Variants in NOL7 observed in about 807,000 individuals in gnomAD.
NOL7 encodes the protein nucleolar protein 7, also known as U3 small nucleolar RNA-associated protein NOL7.
A neutral mutation model predicts 38.4 loss-of-function variants in NOL7; 36 were observed. The ratio of observed to expected loss-of-function variants is 0.94; its 90% CI spans 0.72 to 1.24. The LOEUF (loss-of-function observed/expected upper bound fraction) is 1.24. Among genes scored for constraint, NOL7 ranks in the 50% most tolerant of loss-of-function variants. NOL7 has a pLI of 0.00. For missense variants in NOL7, 350 were observed against 315.1 expected (o/e 1.11, Z -0.84); for synonymous variants, 142 against 126.5 (o/e 1.12, Z -0.82).
At chr6:13,625,570 A>G (rs1584905943), downstream of NOL7, 8 of 837,728 alleles carry the variant, frequency 9.5e-6, no homozygotes, top group South Asian at 6.0e-5. Flanking sequence ...TGATTTTACC[A>G]AAGTGTAAAT....
rs914452530 is a variant in NOL7, at chr6:13,621,600, A to AAATT, written c.*776_*779dup. 6.6e-6 allele frequency: 1 copy of AAATT among 152,602 alleles called. No individual in the cohort carries two copies. Among genetic ancestry groups the AAATT allele is most frequent in the African/African-American group, 2.4e-5 (1 of 41,450 alleles). 9.5% of individuals were successfully genotyped at this position (152,602 alleles called of 1,614,324 possible). On this transcript the variant is annotated 3_prime_UTR_variant, in exon 8 of 8. Transcript: ENST00000451315. ...TAAAAATGGAAGGTGTACAAAGATT[A>AAATT]AATTAAGACACGGTAAATTGACTAA...
At chr6:13,622,338 AGT>A (rs764761717), downstream of NOL7, 95 of 1,523,264 alleles carry the variant, frequency 6.2e-5, no homozygotes, top group Non-Finnish European at 7.8e-5. Context: ...CCACAATATA[AGT>A]GTGAGCTCTT....
intron 7 of NOL7, 85 bp downstream of exon 7, chr6:13,620,570 T>G: frequency 7.4e-7 from 1 of 1,352,406 alleles, no homozygotes. Context: ...ATAATTATAC[T>G]TTTCCCCCTT....
downstream of NOL7, among the ~76,000 whole-genome samples, chr6:13,622,984 CT>C (rs1182987810): frequency 6.6e-6 from 1 of 152,076 alleles, no homozygotes. Context: ...GTTATTTGGG[CT>C]GGTGGGGAGT....
At chr6:13,616,926 C>G (rs1032104753) in intron 3 of NOL7, among the ~76,000 whole-genome samples, 7 of 152,200 alleles carry the variant, frequency 4.6e-5, no homozygotes, top group African/African-American at 1.7e-4. Context: ...TTCCTGTTCC[C>G]CACTTCATTT....
At chr6:13,622,730 T>TGG (rs1764486106), downstream of NOL7, among the ~76,000 whole-genome samples, 1 of 152,242 alleles carries the variant, frequency 6.6e-6, no homozygotes, top group African/African-American at 2.4e-5. Context: ...ATCAGACTTT[T>TGG]AAAGTATCAG....
At chr6:13,632,319 A>G (rs775802081) in intron 8 of NOL7, 3 of 1,565,990 alleles carry the variant, frequency 1.9e-6, no homozygotes, top group Non-Finnish European at 2.6e-6. Context: ...ACAAAACTAC[A>G]TTTTAGTTCC....
downstream of NOL7, chr6:13,625,815 G>T: frequency 7.8e-7 from 1 of 1,282,704 alleles, no homozygotes; most frequent in Non-Finnish European, 1.1e-6. Flanking sequence ...CAACTATTAT[G>T]CTCACAAATG....
intron 5 of NOL7, 89 bp from the exon 6 acceptor site, chr6:13,620,119 G>A: frequency 1.4e-6 from 2 of 1,398,526 alleles, no homozygotes; most frequent in Non-Finnish European, 1.9e-6. Context: ...GCGCAGCCTG[G>A]GTGACAGAGC....
chr6:13,620,412 T>C lies in NOL7; in HGVS notation c.627T>C (p.Asn209=). 6.2e-7 allele frequency: 1 copy of C among 1,614,104 alleles called. No individual in the cohort carries two copies. The highest frequency in any genetic ancestry group is 8.5e-7 in the Non-Finnish European group (1 of 1,179,988). Residue 209 remains asparagine, a synonymous_variant, in exon 7 of 8, where the codon AAT becomes AAC. Coordinates refer to ENST00000451315, the MANE Select transcript of NOL7 (RefSeq NM_016167.5). ...ATAAATACCTTTCTTTTCTAGTAAA[T>C]AAGTTCCTGTCTCTTGCCAACAAGA... ...YGPGTNRTTV[N]KFLSLANKRL...
chr6:13,619,603 A>C (rs563661585), intron 5 of NOL7, among the ~76,000 whole-genome samples: 4 of 152,242 alleles, frequency 2.6e-5, no homozygotes, highest in Non-Finnish European at 5.9e-5. Flanking sequence ...CTTTTACTAC[A>C]TGTATCCGAA....
chr6:13,624,608 A>C (rs946412228), downstream of NOL7, among the ~76,000 whole-genome samples: 44 of 152,206 alleles, frequency 2.9e-4, no homozygotes, highest in African/African-American at 9.9e-4. Context: ...AATGCACAAT[A>C]TGTGCAGTTA....
chr6:13,625,643 C>G (rs1764580828), downstream of NOL7: 1 of 1,572,780 alleles, frequency 6.4e-7, no homozygotes, highest in Non-Finnish European at 8.7e-7. Flanking sequence ...CCTTATTTGG[C>G]TTTACTTACC....
At chr6:13,622,878 A>G (rs1764493509), downstream of NOL7, among the ~76,000 whole-genome samples, 1 of 152,246 alleles carries the variant, frequency 6.6e-6, no homozygotes, top group African/African-American at 2.4e-5. Flanking sequence ...AAAAGGCACC[A>G]GGTTTTCATT....
downstream of NOL7, chr6:13,622,489 G>A (rs112516735): frequency 6.4e-7 from 1 of 1,561,212 alleles, no homozygotes; most frequent in Non-Finnish European, 8.6e-7. Flanking sequence ...CAGATTGTGG[G>A]TTTCTGAGGA....
intron 2 of NOL7, 29 bp from the exon 3 acceptor site, chr6:13,616,434 A>T: frequency 6.5e-7 from 1 of 1,540,868 alleles, no homozygotes; most frequent in Non-Finnish European, 8.9e-7. Context: ...ATGACTTTCT[A>T]TTAATTTTAA....
At chr6:13,622,921 G>A (rs1764494551), downstream of NOL7, among the ~76,000 whole-genome samples, 1 of 152,118 alleles carries the variant, frequency 6.6e-6, no homozygotes, top group Non-Finnish European at 1.5e-5. Flanking sequence ...TTCCACCTCT[G>A]TGGATAGGAC....
At chr6:13,625,649 T>C (rs1451024290), downstream of NOL7, 2 of 1,586,380 alleles carry the variant, frequency 1.3e-6, no homozygotes, top group East Asian at 4.5e-5. Flanking sequence ...TTGGCTTTAC[T>C]TACCTAATAT....
downstream of NOL7, among the ~76,000 whole-genome samples, chr6:13,623,005 T>C (rs545009836): frequency 6.6e-6 from 1 of 152,194 alleles, no homozygotes; most frequent in African/African-American, 2.4e-5. Context: ...TAAGTGGTGG[T>C]GGTGACAGTG....
Sources: allele counts gnomAD v4.1 joint callset (sites outside exome capture counted in the v4.1 genomes callset), GRCh38; gene constraint gnomAD v4.1.1; transcripts MANE v1.5; gene names NCBI Gene and HGNC (gene_info 2026-07-23, HGNC 2026-07-21).